MAPK14: variants seen among roughly 807,000 people sequenced by gnomAD.
MAPK14 encodes mitogen-activated protein kinase 14.
Under a neutral mutation model 49.6 loss-of-function variants are expected in MAPK14, and 16 were observed. The ratio of observed to expected loss-of-function variants is 0.32; its 90% CI spans 0.22 to 0.49. The LOEUF is 0.49. Among genes scored for constraint, MAPK14 ranks in the 20% least tolerant of loss-of-function variants. The pLI is 0.99. For missense variants in MAPK14, 200 were observed against 441.2 expected, an observed-to-expected ratio of 0.45 and a Z score of 4.90; for synonymous variants, 142 against 158.0, an observed-to-expected ratio of 0.90 and a Z score of 0.76.
chr6:36,052,886 GT>G (rs1763457647), intron 2 of MAPK14, 58 bp downstream of exon 2: 2 of 1,499,058 alleles, frequency 1.3e-6, no homozygotes, highest in Admixed American at 3.7e-5. Context: ...GGGGAAAAAT[GT>G]TTTAATTACT....
downstream of MAPK14, among the ~76,000 whole-genome samples, chr6:36,112,232 GT>G (rs1343922328): frequency 6.6e-6 from 1 of 151,736 alleles, no homozygotes; most frequent in African/African-American, 2.4e-5. Context: ...TCAGACCGTT[GT>G]AGGGAGTATT....
chr6:36,094,880 T>C (rs754205632), intron 8 of MAPK14, among the ~76,000 whole-genome samples: 10 of 152,016 alleles, frequency 6.6e-5, no homozygotes, highest in African/African-American at 1.2e-4. Flanking sequence ...GTTATGTATA[T>C]AGAGTGTTGA....
chr6:36,036,682 A>G (rs2127397093), intron 1 of MAPK14, among the ~76,000 whole-genome samples: 1 of 152,340 alleles, frequency 6.6e-6, no homozygotes, highest in Middle Eastern at 3.4e-3. Flanking sequence ...CAGCAAGAAG[A>G]TAATAACTTG....
chr6:36,100,752 G>C (rs1168352217), intron 9 of MAPK14, among the ~76,000 whole-genome samples: 1 of 151,960 alleles, frequency 6.6e-6, no homozygotes, highest in African/African-American at 2.4e-5. Context: ...AAACACTTTG[G>C]TACAGTTAGG....
At chr6:36,035,987 G>T (rs934007624) in intron 1 of MAPK14, among the ~76,000 whole-genome samples, 2 of 152,194 alleles carry the variant, frequency 1.3e-5, no homozygotes, top group Admixed American at 1.3e-4. Flanking sequence ...ACTTTGGGAG[G>T]CTGAGGCAGG....
rs1260075452 is a variant in MAPK14, at chr6:36,052,774, T to C, written c.192T>C (p.His64=). The C allele has an allele frequency of 6.2e-7, 1 of 1,612,874 alleles. No homozygotes were observed. Among genetic ancestry groups the C allele is most frequent in the Non-Finnish European group, 8.5e-7 (1 of 1,179,314 alleles). Residue 64 remains histidine (H), a synonymous_variant, in exon 2 of 12, where the codon CAT becomes CAC. Transcript: ENST00000229794. ...KLSRPFQSII[H]AKRTYRELRL... The stretch of plus-strand genomic sequence containing the variant: ...CCAGACCATTTCAGTCCATCATTCA[T>C]GCGAAAAGAACCTACAGAGAACTGC...
chr6:36,107,267 GAT>G lies in MAPK14; in HGVS notation c.842-186_842-185del, dbSNP rs1345983185. On this transcript the variant is annotated intron_variant, in intron 10 of 11. Transcript: ENST00000229794. The surrounding 1 kb of genome is among the most constrained non-coding windows in gnomAD (Gnocchi z 4.3). ...AAAATTTTAAAACATAGAAAATACAGATACACACACACACACACACACACATA... is the reference window on the plus strand; with the variant it reads ...AAAATTTTAAAACATAGAAAATACAGACACACACACACACACACACACATA... Among the ~76,000 whole-genome samples the G allele has an allele frequency of 1.9e-4, 8 of 41,162 alleles. No homozygotes were observed. In the Admixed American group the frequency reaches 2.4e-3, roughly 12 times the overall value. 27.0% of individuals were successfully genotyped at this position (41,162 alleles called of 152,430 possible).
At chr6:36,052,525 T>C (rs1261900594) in intron 1 of MAPK14, among the ~76,000 whole-genome samples, 174 bp from the exon 2 acceptor site, 1 of 152,174 alleles carries the variant, frequency 6.6e-6, no homozygotes, top group Non-Finnish European at 1.5e-5. Context: ...CCAAAAATAA[T>C]AACAGAAGCT....
intron 1 of MAPK14, among the ~76,000 whole-genome samples, chr6:36,039,221 T>C (rs3804454): frequency 6.6e-6 from 1 of 151,984 alleles, no homozygotes; most frequent in Non-Finnish European, 1.5e-5. Flanking sequence ...GAGCTCCCCC[T>C]CTTTTACTGC....
intron 3 of MAPK14, 92 bp downstream of exon 3, chr6:36,059,439 T>G: frequency 1.1e-6 from 1 of 897,944 alleles, no homozygotes; most frequent in Non-Finnish European, 1.8e-6. Context: ...ACATATAGAC[T>G]TCAAAAAATT....
At chr6:36,088,713 C>G (rs1428126505) in intron 8 of MAPK14, among the ~76,000 whole-genome samples, 1 of 147,172 alleles carries the variant, frequency 6.8e-6, no homozygotes, top group Non-Finnish European at 1.5e-5. Context: ...CAGAGCGAGA[C>G]TCCGTCTCAA....
intron 6 of MAPK14, among the ~76,000 whole-genome samples, chr6:36,075,176 A>G (rs1227842176): frequency 2.8e-5 from 4 of 143,840 alleles, no homozygotes; most frequent in African/African-American, 1.0e-4. Flanking sequence ...CAGTGCGCCG[A>G]GATAGTGCCA....
At chr6:36,065,550 G>GTGTGTGTGTGTGTGTGGGTGT (rs1554181676) in intron 3 of MAPK14, among the ~76,000 whole-genome samples, 1 of 148,928 alleles carries the variant, frequency 6.7e-6, no homozygotes, top group Non-Finnish European at 1.5e-5. Flanking sequence ...GTGTGTGTTT[G>GTGTGTGTGTGTGTGTGGGTGT]GTGGGAATAG....
chr6:36,054,556 G>A (rs1320869453), intron 2 of MAPK14, among the ~76,000 whole-genome samples: 1 of 152,146 alleles, frequency 6.6e-6, no homozygotes, highest in Non-Finnish European at 1.5e-5. Context: ...AGATATCAGT[G>A]ATTTGTTATT....
chr6:36,039,602 A>G (rs1229551586), intron 1 of MAPK14, among the ~76,000 whole-genome samples: 1 of 152,090 alleles, frequency 6.6e-6, no homozygotes, highest in African/African-American at 2.4e-5. Context: ...AAAGCATACC[A>G]GTTTTGTTCT....
At chr6:36,057,231 A>G (rs1223391344) in intron 2 of MAPK14, among the ~76,000 whole-genome samples, 1 of 152,248 alleles carries the variant, frequency 6.6e-6, no homozygotes, top group Non-Finnish European at 1.5e-5. Flanking sequence ...TATGGTATAC[A>G]CAAATGATAG....
chr6:36,117,414 C>T, the MAPK14 span, among the ~76,000 whole-genome samples: 30 of 152,344 alleles, frequency 2.0e-4, no homozygotes, highest in African/African-American at 7.0e-4. Flanking sequence ...TCCTCCTCCT[C>T]ATTCCTCTGA....
chr6:36,045,202 G>A (rs1763124729), intron 1 of MAPK14, among the ~76,000 whole-genome samples: 1 of 151,568 alleles, frequency 6.6e-6, no homozygotes, highest in African/African-American at 2.4e-5. Context: ...CTGTATTTTG[G>A]CCTTACGACA....
chr6:36,098,463 A>G (rs1459073769), intron 9 of MAPK14, among the ~76,000 whole-genome samples: 1 of 152,178 alleles, frequency 6.6e-6, no homozygotes, highest in Non-Finnish European at 1.5e-5. Flanking sequence ...ACTCGAGGCC[A>G]GGAGTTTGAG....
Sources: allele counts gnomAD v4.1 joint callset (sites outside exome capture counted in the v4.1 genomes callset), GRCh38; gene constraint gnomAD v4.1.1; non-coding constraint Gnocchi (gnomAD v3.1); transcripts MANE v1.5; gene names NCBI Gene and HGNC (gene_info 2026-07-23, HGNC 2026-07-21).